Variants in TSPAN4 observed in about 807,000 individuals in gnomAD.
TSPAN4 encodes the protein tetraspanin 4.
TSPAN4 carries 38 observed loss-of-function variants against 31.5 expected under a neutral mutation model. The observed-to-expected ratio is 1.21, with a 90% CI of 0.93 to 1.58. The LOEUF (loss-of-function observed/expected upper bound fraction) is 1.58. Among genes scored for constraint, TSPAN4 ranks in the 40% most tolerant of loss-of-function variants. The pLI is 0.00. For synonymous variants in TSPAN4, 186 were observed against 144.6 expected (o/e 1.29, Z -2.06); for missense variants, 330 against 317.3 (o/e 1.04, Z -0.30).
chr11:857,936 T>G (rs1328658589), intron 3 of TSPAN4: 1 of 152,246 alleles, frequency 6.6e-6, no homozygotes, highest in Non-Finnish European at 1.5e-5. Flanking sequence ...GCCATATCCC[T>G]TCTCTGCCCA....
chr11:854,170 A>AG (rs1227036896), intron 3 of TSPAN4, among the ~76,000 whole-genome samples: 3 of 152,198 alleles, frequency 2.0e-5, no homozygotes, highest in East Asian at 3.9e-4. Flanking sequence ...GCCACCACGA[A>AG]GGGCTGTCCT....
At chr11:862,232 T>G in intron 3 of TSPAN4, 1 of 375,764 alleles carries the variant, frequency 2.7e-6, no homozygotes, top group Admixed American at 4.4e-5. Flanking sequence ...GGGCCTAAGA[T>G]CCCGTCCCTT....
chr11:843,710 A>AG (rs554205497), intron 1 of TSPAN4: 1 of 123,468 alleles, frequency 8.1e-6, no homozygotes, highest in African/African-American at 3.3e-5. Context: ...GAGGCAAAGA[A>AG]GGCTCCTTGG....
rs1162245940 is a variant in TSPAN4, at chr11:851,719, T to C, written c.63+1352T>C. Reference sequence around the variant, plus strand: ...AGGTGTGGGTGTGGTCTGGAGCTGGTGGGTGTGGGGGGTGGGCTGCAGGTG... The same window carrying C: ...AGGTGTGGGTGTGGTCTGGAGCTGGCGGGTGTGGGGGGTGGGCTGCAGGTG... On this transcript the variant is annotated intron_variant, in intron 3 of 8. Coordinates refer to ENST00000397397, the MANE Select transcript of TSPAN4 (RefSeq NM_003271.5). 1.5e-4 allele frequency among the ~76,000 whole-genome samples: 9 copies of C among 59,506 alleles called. No individual in the cohort carries two copies. The East Asian group carries it at 1.7e-3, about 11-fold the overall frequency. The allele number at this position is 59,506 out of a possible 152,430, so 39.0% of individuals were successfully genotyped here. A position where few individuals can be genotyped will look rare whatever the true frequency, so the allele number is the denominator to read the frequency against.
chr11:862,723 C>T lies in TSPAN4; in HGVS notation c.237C>T (p.Asn79=). 6.2e-7 allele frequency: 1 copy of T among 1,611,860 alleles called. No individual in the cohort carries two copies. The highest frequency in any genetic ancestry group is 1.7e-4 in the Middle Eastern group (1 of 6,046). Residue 79 remains asparagine, a synonymous_variant, in exon 4 of 9, where the codon AAC becomes AAT. Coordinates refer to ENST00000397397, the MANE Select transcript of TSPAN4 (RefSeq NM_003271.5). ...GCTGCCTGGGTGCCATCAAGGAGAA[C>T]AAGTGCCTCCTGCTCACTGTGAGTG... ...FVGCLGAIKE[N]KCLLLTFFLL...
intron 1 of TSPAN4, among the ~76,000 whole-genome samples, chr11:846,190 A>C (rs575952654): frequency 3.3e-5 from 5 of 152,318 alleles, no homozygotes; most frequent in South Asian, 4.1e-4. Flanking sequence ...GGGCTGGGCC[A>C]GGACTGAGCT....
chr11:852,141 T>G (rs1565133644), intron 3 of TSPAN4, among the ~76,000 whole-genome samples: 1 of 152,166 alleles, frequency 6.6e-6, no homozygotes, highest in Non-Finnish European at 1.5e-5. Context: ...TTATCTTTGT[T>G]TTTTGAGATA....
chr11:864,672 C>T (rs1848664989), intron 5 of TSPAN4, 161 bp downstream of exon 5: 1 of 843,128 alleles, frequency 1.2e-6, no homozygotes, highest in Admixed American at 2.2e-5. Flanking sequence ...GGGGCAGCGC[C>T]AGCGACCCTG....
At chr11:845,665 C>T (rs1847277959) in intron 1 of TSPAN4, among the ~76,000 whole-genome samples, 1 of 151,884 alleles carries the variant, frequency 6.6e-6, no homozygotes, top group African/African-American at 2.4e-5. Context: ...TGCCCCCCAC[C>T]CAGGGTCCTA....
At chr11:857,112 G>A (rs150012165) in intron 3 of TSPAN4, 1 of 152,400 alleles carries the variant, frequency 6.6e-6, no homozygotes, top group African/African-American at 2.4e-5. Context: ...CGTCTCCGGT[G>A]GAGGTGAGGA....
chr11:863,274 G>A (rs2134060837), intron 4 of TSPAN4: 1 of 152,494 alleles, frequency 6.6e-6, no homozygotes, highest in Middle Eastern at 3.4e-3. Context: ...TAATTAAAAA[G>A]GAAAAGGGCT....
At chr11:847,398 A>G (rs1268654957) in intron 2 of TSPAN4, 98 bp downstream of exon 2, 2 of 152,142 alleles carry the variant, frequency 1.3e-5, no homozygotes, top group African/African-American at 4.8e-5. Flanking sequence ...GCCAGCGGAC[A>G]CTTTGACACC....
intron 1 of TSPAN4, 92 bp from the exon 2 acceptor site, chr11:847,109 T>A (rs1279193919): frequency 6.6e-6 from 1 of 152,134 alleles, no homozygotes; most frequent in Admixed American, 6.5e-5. Context: ...TGGCCCCAGG[T>A]GGGGGTTCCC....
At chr11:850,435 T>C (rs998040052) in intron 3 of TSPAN4, 68 bp downstream of exon 3, 3 of 1,406,140 alleles carry the variant, frequency 2.1e-6, no homozygotes, top group Non-Finnish European at 2.0e-6. Context: ...GGTCGCGGGG[T>C]CTGGGGAGTC....
rs1372443522 is a variant in TSPAN4 at position 866,622 on chromosome 11, TGC to T, written c.713_714del (p.Ala238ValfsTer146). 9 of 1,612,708 alleles carry T rather than the reference TGC, an allele frequency of 5.6e-6. No homozygotes were observed. Among genetic ancestry groups the T allele is most frequent in the Non-Finnish European group, 7.6e-6 (9 of 1,179,648 alleles). On this transcript the variant is annotated frameshift_variant, in exon 9 of 9. Coordinates refer to ENST00000397397, the MANE Select transcript of TSPAN4 (RefSeq NM_003271.5). LOFTEE classifies it high-confidence loss of function. ...YCQVVKADTY[C>X]A ...CCAAGTGGTCAAGGCAGACACCTAC[TGC>T]GCGTAGGCCGCCCACCGCCCGCTTC...
intron 3 of TSPAN4, among the ~76,000 whole-genome samples, chr11:851,623 T>G (rs7946756): frequency 6.6e-6 from 1 of 151,626 alleles, no homozygotes; most frequent in African/African-American, 2.4e-5. Flanking sequence ...CCCAAGGGTT[T>G]GTTTTCTGCA....
chr11:848,937 TGTCTGTACCTGTCAAGGGGTGGG>T lies in TSPAN4; in HGVS notation c.-17-1348_-17-1326del. 1 of 708,260 alleles carries T rather than the reference TGTCTGTACCTGTCAAGGGGTGGG, an allele frequency of 1.4e-6. No homozygotes were observed. Among genetic ancestry groups the T allele is most frequent in the African/African-American group, 1.8e-5 (1 of 56,980 alleles). The allele number at this position is 708,260 out of a possible 1,614,324, so 43.9% of individuals were successfully genotyped here. On this transcript the variant is annotated intron_variant, in intron 2 of 8. Coordinates refer to ENST00000397397, the MANE Select transcript of TSPAN4 (RefSeq NM_003271.5). The surrounding 1 kb of genome is among the most constrained non-coding windows in gnomAD (Gnocchi z 5.7). ...GGCACATCTGCGCACGGGGCCGGTATGTCTGTACCTGTCAAGGGGTGGGGTGGGGTCTTTTACAGGCTGACTTC... is the reference window on the plus strand; with the variant it reads ...GGCACATCTGCGCACGGGGCCGGTATGTGGGGTCTTTTACAGGCTGACTTC...
At chr11:850,100 C>A (rs1424566256) in intron 2 of TSPAN4, 188 bp from the exon 3 acceptor site, 1 of 459,684 alleles carries the variant, frequency 2.2e-6, no homozygotes, top group South Asian at 3.3e-5. Flanking sequence ...AGCCGGACTT[C>A]GCGCGCGGCG....
chr11:853,120 G>T (rs1190173855), intron 3 of TSPAN4, among the ~76,000 whole-genome samples: 1 of 151,322 alleles, frequency 6.6e-6, no homozygotes, highest in Non-Finnish European at 1.5e-5. Context: ...ACTGGGAGGG[G>T]TTGGGGGGCT....
Sources: allele counts gnomAD v4.1 joint callset (sites outside exome capture counted in the v4.1 genomes callset), GRCh38; gene constraint gnomAD v4.1.1; non-coding constraint Gnocchi (gnomAD v3.1); transcripts MANE v1.5; gene names NCBI Gene and HGNC (gene_info 2026-07-23, HGNC 2026-07-21).